The following ANK1 variants were observed in gnomAD, a reference collection of about 807,000 sequenced individuals.
ANK1 encodes the protein ankyrin-1.
A neutral mutation model predicts 210.4 loss-of-function variants in ANK1; 51 were observed. The ratio of observed to expected loss-of-function variants is 0.24; its 90% CI spans 0.19 to 0.31. ANK1 has a LOEUF of 0.31. Among genes scored for constraint, ANK1 ranks in the 10% least tolerant of loss-of-function variants. The pLI, the probability that ANK1 is intolerant of heterozygous loss-of-function variation, is 1.00. For missense variants in ANK1, 2,051 were observed against 2,504.4 expected (o/e 0.82, Z 3.86); for synonymous variants, 967 against 1,025.9 (o/e 0.94, Z 1.10).
At chr8:41,822,365 G>A (rs182220241) in intron 1 of ANK1, among the ~76,000 whole-genome samples, 372 of 152,314 alleles carry the variant, frequency 2.4e-3, no homozygotes, top group South Asian at 0.012. Flanking sequence ...CTTGTGTGCT[G>A]ATGGCTGATT....
At chr8:41,723,887 T>C (rs1292333934) in intron 7 of ANK1, among the ~76,000 whole-genome samples, 63 of 151,580 alleles carry the variant, frequency 4.2e-4, no homozygotes, top group African/African-American at 1.5e-3. Context: ...CCTCCCGGGT[T>C]CACGCCATTC....
intron 1 of ANK1, among the ~76,000 whole-genome samples, chr8:41,863,845 C>T (rs1050054313): frequency 6.6e-6 from 1 of 152,176 alleles, no homozygotes; most frequent in African/African-American, 2.4e-5. Flanking sequence ...GCAGTTGCCA[C>T]GCATCCAGGG....
At chr8:41,874,633 T>A (rs1449869944) in intron 1 of ANK1, among the ~76,000 whole-genome samples, 2 of 152,138 alleles carry the variant, frequency 1.3e-5, no homozygotes, top group Non-Finnish European at 2.9e-5. Context: ...AACAAGGAGG[T>A]GACCGGAGTC....
chr8:41,707,162 A>G (rs1487207534), intron 17 of ANK1, among the ~76,000 whole-genome samples: 1 of 152,246 alleles, frequency 6.6e-6, no homozygotes, highest in Non-Finnish European at 1.5e-5. Flanking sequence ...GGCACGGTCA[A>G]GAGGGCAGAG....
Position 41,668,492 on chromosome 8 carries a change from C to T in ANK1, c.5169G>A (p.Glu1723=). 1 of 1,614,238 alleles carries T rather than the reference C, an allele frequency of 6.2e-7. No individual in the cohort carries two copies. The highest frequency in any genetic ancestry group is 1.1e-5 in the South Asian group (1 of 91,082). ...LQDAAQGSWQ[E]EVTQGPHSFQ... ...ATGAGTGTGGACCTTGCGTGACCTC[C>T]TCTTGCCAGGAACCTTGTGCAGCAT... The change falls in exon 39 of 43, where the codon GAG becomes GAA. Residue 1723 remains glutamate, a synonymous_variant. Coordinates refer to ENST00000289734, the MANE Select transcript of ANK1 (RefSeq NM_000037.4).
chr8:41,896,535 C>T, exon 1 of ANK1: 8 of 1,535,804 alleles, frequency 5.2e-6, no homozygotes, highest in South Asian at 4.8e-5. Flanking sequence ...CTCAGCGATC[C>T]CCGAGGCGAC....
chr8:41,667,621 C>T (rs1025705105), intron 39 of ANK1, among the ~76,000 whole-genome samples: 3 of 151,930 alleles, frequency 2.0e-5, no homozygotes, highest in Non-Finnish European at 2.9e-5. Flanking sequence ...TCAACAAACT[C>T]GAAGGGAATC....
At chr8:41,662,037 A>C (rs1172924264) in intron 40 of ANK1, 96 bp from the exon 41 acceptor site, 1 of 1,468,284 alleles carries the variant, frequency 6.8e-7, no homozygotes, top group Non-Finnish European at 9.4e-7. Context: ...CGTGCAGATC[A>C]TCTGAGGTCA....
chr8:41,683,089 C>T (rs1338084930), intron 37 of ANK1, among the ~76,000 whole-genome samples: 2 of 151,940 alleles, frequency 1.3e-5, no homozygotes. Context: ...CACACACACA[C>T]ACATGCACGC....
chr8:41,802,952 G>T (rs1442016645), intron 1 of ANK1, among the ~76,000 whole-genome samples: 6 of 52,580 alleles, frequency 1.1e-4, no homozygotes, highest in Admixed American at 2.6e-4. Context: ...AGAGAAAGGG[G>T]GGGGGGGAGA....
chr8:41,709,081 G>C lies in ANK1; in HGVS notation c.1801-106C>G. 2.3e-6 allele frequency: 3 copies of C among 1,332,976 alleles called. No individual in the cohort carries two copies. In the South Asian group the frequency reaches 3.6e-5, roughly 16 times the overall value. 82.6% of individuals were successfully genotyped at this position (1,332,976 alleles called of 1,614,324 possible). On this transcript the variant is annotated intron_variant, in intron 16 of 42. Coordinates refer to ENST00000289734, the MANE Select transcript of ANK1 (RefSeq NM_000037.4). Reference sequence around the variant, plus strand: ...TGGTTCTTGGCCGGCTGGACACCCAGTGAGCAGGGCTGGCATCACCCAGGA... The same window carrying C: ...TGGTTCTTGGCCGGCTGGACACCCACTGAGCAGGGCTGGCATCACCCAGGA...
At chr8:41,810,687 C>T (rs1007191394) in intron 1 of ANK1, among the ~76,000 whole-genome samples, 1 of 152,226 alleles carries the variant, frequency 6.6e-6, no homozygotes, top group African/African-American at 2.4e-5. Context: ...GCGTAATAGC[C>T]CGATGGGTTC....
intron 2 of ANK1, among the ~76,000 whole-genome samples, chr8:41,753,657 C>T (rs1367096254): frequency 6.6e-6 from 1 of 152,132 alleles, no homozygotes; most frequent in Non-Finnish European, 1.5e-5. Flanking sequence ...GAACACGGTA[C>T]CCAATAGTTA....
At chr8:41,803,605 G>A (rs1419794309) in intron 1 of ANK1, among the ~76,000 whole-genome samples, 3 of 151,192 alleles carry the variant, frequency 2.0e-5, no homozygotes, top group East Asian at 1.9e-4. Context: ...ATTTTTGAAC[G>A]GAAACAGTGA....
At chr8:41,688,948 A>C (rs945259382) in intron 33 of ANK1, among the ~76,000 whole-genome samples, 2 of 152,216 alleles carry the variant, frequency 1.3e-5, no homozygotes, top group African/African-American at 4.8e-5. Flanking sequence ...CTTGCCCAAG[A>C]TCACCCAGTT....
At chr8:41,878,457 G>A (rs1816991806) in intron 1 of ANK1, among the ~76,000 whole-genome samples, 1 of 152,166 alleles carries the variant, frequency 6.6e-6, no homozygotes, top group African/African-American at 2.4e-5. Flanking sequence ...ACAGGTTCAG[G>A]GGGAGCTGTT....
intron 39 of ANK1, 86 bp downstream of exon 39, chr8:41,668,181 T>G: frequency 5.6e-5 from 88 of 1,565,830 alleles, no homozygotes; most frequent in Non-Finnish European, 7.0e-5. Context: ...GCTCAGGGCT[T>G]GAGTGCCTGA....
At chr8:41,831,080 G>A (rs1212491633) in intron 1 of ANK1, among the ~76,000 whole-genome samples, 3 of 152,166 alleles carry the variant, frequency 2.0e-5, no homozygotes, top group African/African-American at 7.2e-5. Flanking sequence ...AGATACAGAC[G>A]AAAGCACAGC....
intron 9 of ANK1, among the ~76,000 whole-genome samples, chr8:41,720,201 G>A (rs1323966546): frequency 2.6e-5 from 4 of 152,126 alleles, no homozygotes; most frequent in African/African-American, 7.2e-5. Context: ...TAACTTTTTA[G>A]GGGAGTGTAT....
Sources: gnomAD v4.1 joint callset for allele counts (sites outside exome capture counted in the v4.1 genomes callset) on GRCh38, gnomAD v4.1.1 for gene constraint, MANE v1.5 for transcripts, NCBI Gene and HGNC (gene_info 2026-07-23, HGNC 2026-07-21) for gene names.